ARHGAP18: variants seen among roughly 807,000 people sequenced by gnomAD.
ARHGAP18 encodes rho GTPase-activating protein 18.
Under a neutral mutation model 86.2 loss-of-function variants are expected in ARHGAP18, and 67 were observed. The ratio of observed to expected loss-of-function variants is 0.78; its 90% CI spans 0.64 to 0.95. The LOEUF (loss-of-function observed/expected upper bound fraction) is 0.95, where lower values mean the gene tolerates loss of function less well. ARHGAP18 is among the 40% of genes least tolerant of loss of function. The probability of loss-of-function intolerance (pLI) is 0.00; values close to 1 mark genes in which losing one functional copy is unlikely to be tolerated. For synonymous variants in ARHGAP18, 283 were observed against 280.4 expected, an observed-to-expected ratio of 1.01 and a Z score of -0.09; for missense variants, 691 against 780.4, an observed-to-expected ratio of 0.89 and a Z score of 1.37.
At chr6:129,599,031 C>T (rs1248970025) in intron 12 of ARHGAP18, 185 bp downstream of exon 12, 1 of 439,826 alleles carries the variant, frequency 2.3e-6, no homozygotes, top group African/African-American at 2.1e-5. Context: ...AACACCTGAC[C>T]AACTGTCAAT....
At chr6:129,618,455 A>G (rs1195461471) in intron 6 of ARHGAP18, among the ~76,000 whole-genome samples, 3 of 152,248 alleles carry the variant, frequency 2.0e-5, no homozygotes, top group Non-Finnish European at 2.9e-5. Context: ...ATTTCCTTCT[A>G]TGAGAATTAA....
intron 12 of ARHGAP18, among the ~76,000 whole-genome samples, chr6:129,593,973 A>AT (rs1788566566): frequency 6.6e-6 from 1 of 152,188 alleles, no homozygotes. Flanking sequence ...TAGTTTTAAT[A>AT]GCATACAAAA....
At chr6:129,673,567 T>C (rs960381259) in intron 1 of ARHGAP18, among the ~76,000 whole-genome samples, 4 of 152,328 alleles carry the variant, frequency 2.6e-5, no homozygotes, top group African/African-American at 9.6e-5. Flanking sequence ...CTCTTATCTG[T>C]CTCAATGAAA....
At chr6:129,584,482 TGTACA>T (rs1788352583) in intron 12 of ARHGAP18, among the ~76,000 whole-genome samples, 1 of 152,244 alleles carries the variant, frequency 6.6e-6, no homozygotes, top group African/African-American at 2.4e-5. Context: ...TACTGCAGTA[TGTACA>T]TTTGAAAAAT....
At chr6:129,655,317 C>CAAAAAAAAAAAAAAAAAAAAAAAAAAA (rs55681217) in intron 1 of ARHGAP18, among the ~76,000 whole-genome samples, 13 of 75,082 alleles carry the variant, frequency 1.7e-4, no homozygotes, top group Non-Finnish European at 2.9e-4. Flanking sequence ...AAAACTCTCT[C>CAAAAAAAAAAAAAAAAAAAAAAAAAAA]AAAAAAAAAA....
intron 5 of ARHGAP18, among the ~76,000 whole-genome samples, chr6:129,627,760 C>A (rs1212810923): frequency 1.3e-5 from 2 of 151,912 alleles, no homozygotes; most frequent in Non-Finnish European, 2.9e-5. Context: ...CAACACATGA[C>A]CCTTATTTGG....
At chr6:129,709,806 TTC>T (rs922974025) in intron 1 of ARHGAP18, among the ~76,000 whole-genome samples, 3 of 152,230 alleles carry the variant, frequency 2.0e-5, no homozygotes, top group African/African-American at 7.2e-5. Flanking sequence ...CAGTTCCTTC[TTC>T]TCTGTCTTCA....
In ARHGAP18 at chr6:129,579,431, C is replaced by A. The variant is rs1584016061; in HGVS notation, c.1900+639G>T. Among the ~76,000 whole-genome samples, 5 of 152,098 alleles carry A rather than the reference C, an allele frequency of 3.3e-5. No homozygotes were observed. The South Asian group carries it at 1.0e-3, about 31-fold the overall frequency. ...AATTATTTTTAATTACTATTTTGAACTTAACATGATTTCATTTATTTCTTA... is the reference window on the plus strand; with the variant it reads ...AATTATTTTTAATTACTATTTTGAAATTAACATGATTTCATTTATTTCTTA... On this transcript the variant is annotated intron_variant, in intron 14 of 14. Transcript: ENST00000368149.
chr6:129,612,850 C>T (rs952748905), intron 7 of ARHGAP18, among the ~76,000 whole-genome samples: 6 of 152,148 alleles, frequency 3.9e-5, no homozygotes, highest in African/African-American at 1.4e-4. Flanking sequence ...AAGAACTAAG[C>T]ATAGCAGTCT....
At chr6:129,640,937 CA>C (rs1371306720) in intron 2 of ARHGAP18, among the ~76,000 whole-genome samples, 1 of 151,856 alleles carries the variant, frequency 6.6e-6, no homozygotes, top group African/African-American at 2.4e-5. Context: ...AGAAACGGTA[CA>C]AAAAAACTTT....
chr6:129,670,035 T>C (rs1305482814), intron 1 of ARHGAP18, among the ~76,000 whole-genome samples: 2 of 152,228 alleles, frequency 1.3e-5, no homozygotes, highest in African/African-American at 4.8e-5. Context: ...ACTTTGTATC[T>C]ATTTATCTCT....
At chr6:129,688,513 C>T (rs1201746666) in intron 1 of ARHGAP18, among the ~76,000 whole-genome samples, 1 of 152,202 alleles carries the variant, frequency 6.6e-6, no homozygotes, top group East Asian at 1.9e-4. Context: ...GTCTTATCAG[C>T]TGGGTGCCGT....
Position 129,577,474 on chromosome 6 carries a change from T to C in ARHGAP18, c.*1039A>G, listed in dbSNP as rs1335165906. On this transcript the variant is annotated 3_prime_UTR_variant, in exon 15 of 15. Transcript: ENST00000368149. Reference sequence around the variant, plus strand: ...GTTTGTGCATTAAAATCCCTGGGAATAGTACTTTCAAGAACATTTTAATAA... The same window carrying C: ...GTTTGTGCATTAAAATCCCTGGGAACAGTACTTTCAAGAACATTTTAATAA... 2 of 152,156 alleles carry C rather than the reference T, an allele frequency of 1.3e-5. No homozygotes were observed. Among genetic ancestry groups the C allele is most frequent in the African/African-American group, 4.8e-5 (2 of 41,452 alleles). The allele number at this position is 152,156 out of a possible 1,614,324, so 9.4% of individuals were successfully genotyped here.
At chr6:129,583,425 T>C (rs2114427263) in intron 13 of ARHGAP18, among the ~76,000 whole-genome samples, 1 of 152,258 alleles carries the variant, frequency 6.6e-6, no homozygotes, top group East Asian at 1.9e-4. Flanking sequence ...CCCTGCCCCA[T>C]CAACCCCAAA....
At chr6:129,609,916 A>G (rs762251829) in intron 8 of ARHGAP18, among the ~76,000 whole-genome samples, 4 of 151,282 alleles carry the variant, frequency 2.6e-5, no homozygotes, top group African/African-American at 7.4e-5. Context: ...TGTGAAATGT[A>G]TAAAGAGTAA....
intron 5 of ARHGAP18, among the ~76,000 whole-genome samples, chr6:129,620,106 T>C (rs1789197114): frequency 6.6e-6 from 1 of 152,160 alleles, no homozygotes; most frequent in Non-Finnish European, 1.5e-5. Context: ...AGACCAGAAG[T>C]GCTCTGGATT....
chr6:129,646,817 T>C (rs952199388), intron 1 of ARHGAP18, among the ~76,000 whole-genome samples: 1 of 152,158 alleles, frequency 6.6e-6, no homozygotes, highest in Non-Finnish European at 1.5e-5. Context: ...GCAAATAACA[T>C]CTTAGCGTTA....
At chr6:129,631,941 G>GAATT (rs35374589) in intron 4 of ARHGAP18, among the ~76,000 whole-genome samples, 32,009 of 151,856 alleles carry the variant, frequency 0.21, 3,485 homozygotes, top group Non-Finnish European at 0.24. Context: ...ATATTACAGT[G>GAATT]AATTAATTTG....
intron 1 of ARHGAP18, among the ~76,000 whole-genome samples, chr6:129,644,221 C>A (rs1321371937): frequency 6.6e-6 from 1 of 152,112 alleles, no homozygotes; most frequent in Non-Finnish European, 1.5e-5. Flanking sequence ...GTACTTCCTC[C>A]TTCCCTGGCC....
Sources: allele counts gnomAD v4.1 joint callset (sites outside exome capture counted in the v4.1 genomes callset), GRCh38; gene constraint gnomAD v4.1.1; transcripts MANE v1.5; gene names NCBI Gene and HGNC (gene_info 2026-07-23, HGNC 2026-07-21).